The following C10orf143 variants were observed in gnomAD, a reference collection of about 807,000 sequenced individuals.
The protein encoded by C10orf143 is chromosome 10 open reading frame 143.
intron 1 of C10orf143, among the ~76,000 whole-genome samples, chr10:130,085,503 C>A (rs1010038624): frequency 6.6e-6 from 1 of 152,118 alleles, no homozygotes; most frequent in Non-Finnish European, 1.5e-5. Context: ...AAAAGACTGT[C>A]AAAGTGTCAC....
At chr10:130,040,178 G>A (rs2134721450) in intron 3 of C10orf143, among the ~76,000 whole-genome samples, 1 of 152,292 alleles carries the variant, frequency 6.6e-6, no homozygotes. Flanking sequence ...GCCAGCATCA[G>A]TAGGCCTGGG....
intron 3 of C10orf143, among the ~76,000 whole-genome samples, chr10:130,045,046 C>A (rs1860651328): frequency 6.6e-6 from 1 of 152,172 alleles, no homozygotes; most frequent in Non-Finnish European, 1.5e-5. Flanking sequence ...CCTGCCCTGT[C>A]CCCCCGTCCC....
At position 130,065,279 on chromosome 10, in the gene C10orf143, C is replaced by T. The variant is rs1199988833; in HGVS notation, c.298-896G>A. Reference sequence around the variant, plus strand: ...TGACGTCAGATACTGATGGCTCCTTCGAGTGATCAGAACGAAATGCTACAG... The same window carrying T: ...TGACGTCAGATACTGATGGCTCCTTTGAGTGATCAGAACGAAATGCTACAG... On this transcript the variant is annotated intron_variant, in intron 3 of 3. Coordinates refer to ENST00000637128, the MANE Select transcript of C10orf143 (RefSeq NM_001355042.2). This position sits in a 1 kb window ranked among gnomAD's most constrained non-coding sequence, Gnocchi z 4.2. 1.3e-5 allele frequency: 2 copies of T among 152,156 alleles called. No individual in the cohort carries two copies. The highest frequency in any genetic ancestry group is 2.9e-5 in the Non-Finnish European group (2 of 68,076). 9.4% of individuals were successfully genotyped at this position (152,156 alleles called of 1,614,324 possible).
chr10:130,106,350 A>T, intron 1 of C10orf143: 1 of 1,601,050 alleles, frequency 6.2e-7, no homozygotes, highest in Admixed American at 1.7e-5. Context: ...GTTCAAAAAG[A>T]GTATGAAGAC....
intron 1 of C10orf143, among the ~76,000 whole-genome samples, chr10:130,105,672 G>C (rs752499606): frequency 4.6e-5 from 7 of 152,198 alleles, no homozygotes; most frequent in Non-Finnish European, 1.0e-4. Context: ...AGAGGTTGCA[G>C]TGAGCCAAGA....
intron 3 of C10orf143, chr10:130,036,086 A>G (rs1054165247): frequency 2.6e-5 from 4 of 152,188 alleles, no homozygotes; most frequent in Non-Finnish European, 5.9e-5. Flanking sequence ...ACCTCCTTGT[A>G]GGCTCTTTCT....
chr10:130,039,478 G>A (rs1860582780), intron 3 of C10orf143, among the ~76,000 whole-genome samples: 1 of 152,076 alleles, frequency 6.6e-6, no homozygotes, highest in Admixed American at 6.6e-5. Context: ...GAGCAAACGT[G>A]CCCTCCTCAT....
intron 1 of C10orf143, among the ~76,000 whole-genome samples, chr10:130,095,913 CA>C (rs766614955): frequency 4.7e-4 from 72 of 152,272 alleles, no homozygotes; most frequent in Non-Finnish European, 9.0e-4. Flanking sequence ...ACACCAAAAG[CA>C]ATGACAACAA....
In C10orf143 at chr10:130,066,264, T is replaced by G. The variant is rs1860932745; in HGVS notation, c.298-1881A>C. The G allele has an allele frequency of 2.0e-5, 3 of 148,966 alleles. No individual in the cohort carries two copies. The East Asian group carries it at 6.0e-4, about 30-fold the overall frequency. 9.2% of individuals were successfully genotyped at this position (148,966 alleles called of 1,614,324 possible). ...GTGCAGTGTCACAATGATGGCTCAC[T>G]GCAGCCTCAGCCTCCTAGGCTCAAG... On this transcript the variant is annotated intron_variant, in intron 3 of 3. Coordinates refer to ENST00000637128, the MANE Select transcript of C10orf143 (RefSeq NM_001355042.2).
chr10:130,039,220 C>T (rs890321714), intron 3 of C10orf143, among the ~76,000 whole-genome samples: 14 of 152,166 alleles, frequency 9.2e-5, no homozygotes, highest in Non-Finnish European at 1.9e-4. Context: ...ACAGGATATA[C>T]ACAGATACAT....
At chr10:130,041,132 A>G (rs1860602354) in intron 3 of C10orf143, among the ~76,000 whole-genome samples, 1 of 152,240 alleles carries the variant, frequency 6.6e-6, no homozygotes, top group Non-Finnish European at 1.5e-5. Flanking sequence ...CAGGAGGCCA[A>G]GCTCCTGAAC....
At chr10:130,069,746 G>T (rs1346653819) in intron 3 of C10orf143, among the ~76,000 whole-genome samples, 1 of 152,142 alleles carries the variant, frequency 6.6e-6, no homozygotes. Context: ...AAAGTGCTGG[G>T]ATTATAAGCA....
At chr10:130,061,343 G>A (rs1410072972), downstream of C10orf143, among the ~76,000 whole-genome samples, 1 of 151,798 alleles carries the variant, frequency 6.6e-6, no homozygotes, top group African/African-American at 2.4e-5. Context: ...TATACTTTTT[G>A]TTTTAAAAAC....
intron 1 of C10orf143, among the ~76,000 whole-genome samples, chr10:130,105,634 G>A (rs941456413): frequency 6.6e-6 from 1 of 152,120 alleles, no homozygotes; most frequent in African/African-American, 2.4e-5. Flanking sequence ...GGAGGCTAAG[G>A]CAAGAGAATC....
At chr10:130,080,990 CAG>C (rs1445285486) in intron 1 of C10orf143, among the ~76,000 whole-genome samples, 1 of 152,050 alleles carries the variant, frequency 6.6e-6, no homozygotes, top group Admixed American at 6.5e-5. Context: ...AATAATAAAA[CAG>C]GGGACCTAAG....
Position 130,041,006 on chromosome 10 carries a change from G to A in C10orf143, c.298-5036C>T, listed in dbSNP as rs533423764. ...GATCTTAGTGAGGGCCCCCGCCACC[G>A]GCACTCCCAGACCTCCAGGAGGCCC... On this transcript the variant is annotated intron_variant and NMD_transcript_variant, in intron 3 of 5. Coordinates refer to the C10orf143 transcript ENST00000643056. 5.4e-3 allele frequency among the ~76,000 whole-genome samples: 822 copies of A among 152,204 alleles called. 5 individuals are homozygous for A. Among genetic ancestry groups the A allele is most frequent in the African/African-American group, 0.019 (772 of 41,530 alleles).
chr10:130,038,637 T>C (rs1276989141), intron 3 of C10orf143, among the ~76,000 whole-genome samples: 2 of 152,154 alleles, frequency 1.3e-5, no homozygotes, highest in African/African-American at 2.4e-5. Context: ...GACGGAGGTG[T>C]GGGCATCAAA....
intron 1 of C10orf143, chr10:130,101,308 A>G (rs1287083962): frequency 2.0e-5 from 3 of 152,122 alleles, no homozygotes; most frequent in Non-Finnish European, 2.9e-5. Flanking sequence ...GAATCTCAGT[A>G]ACCCAAGCAC....
intron 1 of C10orf143, among the ~76,000 whole-genome samples, chr10:130,084,651 TAC>T (rs56725445): frequency 0.85 from 127,970 of 150,424 alleles, 54,599 homozygotes; most frequent in Admixed American, 0.9. Flanking sequence ...GTGCAGGTGA[TAC>T]ACACACACAC....
Sources: gnomAD v4.1 joint callset for allele counts (sites outside exome capture counted in the v4.1 genomes callset) on GRCh38, gnomAD v4.1.1 for gene constraint, Gnocchi (gnomAD v3.1) non-coding constraint, MANE v1.5 for transcripts, NCBI Gene and HGNC (gene_info 2026-07-23, HGNC 2026-07-21) for gene names.